DNAH11: variants seen among roughly 807,000 people sequenced by gnomAD.
DNAH11 encodes the protein axonemal beta dynein heavy chain 11.
In DNAH11, 442 loss-of-function variants were observed where a neutral mutation model predicts 526.0. The observed-to-expected ratio is 0.84, with a 90% CI of 0.78 to 0.91. The LOEUF (loss-of-function observed/expected upper bound fraction) is 0.91, where lower values mean the gene tolerates loss of function less well. Among genes scored for constraint, DNAH11 ranks in the 40% least tolerant of loss-of-function variants. The pLI, the probability that DNAH11 is intolerant of heterozygous loss-of-function variation, is 0.00. For missense variants in DNAH11, 6,989 were observed against 5,448.7 expected, an observed-to-expected ratio of 1.28 and a Z score of -8.90; for synonymous variants, 2,461 against 1,935.9, an observed-to-expected ratio of 1.27 and a Z score of -7.12.
chr7:21,856,470 A>G (rs939163068), intron 68 of DNAH11, among the ~76,000 whole-genome samples: 5 of 152,194 alleles, frequency 3.3e-5, no homozygotes, highest in African/African-American at 1.2e-4. Context: ...AGTAAAACTA[A>G]ATCATCAGTG....
At position 21,558,943 on chromosome 7, in the gene DNAH11, C is replaced by T. The variant is rs753456838; in HGVS notation, c.637C>T (p.Pro213Ser). 5 of 1,595,498 alleles carry T rather than the reference C, an allele frequency of 3.1e-6. No homozygotes were observed. The African/African-American group carries it at 5.4e-5, about 17-fold the overall frequency. Residue 213 changes from proline to serine, a missense_variant, in exon 3 of 82, where the codon CCA becomes TCA. Pro to Ser is a moderately conservative substitution (Grantham distance 74, BLOSUM62 -1). Transcript: ENST00000409508. ...RGKMSRRTLL[P>S]IPTVAGKMDL... The stretch of plus-strand genomic sequence containing the variant: ...CAAAATGTCTAGAAGAACTCTTCTA[C>T]CAATTCCCACTGTTGCAGGAAAGAT...
At chr7:21,861,818 T>A (rs72658805) in intron 68 of DNAH11, 35 bp from the exon 69 acceptor site, 2 of 1,607,916 alleles carry the variant, frequency 1.2e-6, no homozygotes, top group South Asian at 2.2e-5. Flanking sequence ...CAGGCACCAG[T>A]TGTCACATTT....
intron 74 of DNAH11, among the ~76,000 whole-genome samples, chr7:21,877,780 C>T (rs1029455427): frequency 6.9e-6 from 1 of 145,420 alleles, no homozygotes; most frequent in South Asian, 2.2e-4. Context: ...GAGGCTGAGG[C>T]AGGAGAATGG....
intron 30 of DNAH11, among the ~76,000 whole-genome samples, chr7:21,660,487 G>A (rs11977083): frequency 0.032 from 4,626 of 145,916 alleles, 175 homozygotes; most frequent in East Asian, 0.15. Flanking sequence ...ATGTTTTATG[G>A]CTATTTATTA....
At position 21,818,335 on chromosome 7, in the gene DNAH11, G is replaced by A; in HGVS notation, c.10687G>A (p.Gly3563Arg). 6.2e-7 allele frequency: 1 copy of A among 1,604,798 alleles called. No individual in the cohort carries two copies. The highest frequency in any genetic ancestry group is 8.5e-7 in the Non-Finnish European group (1 of 1,176,970). Residue 3563 changes from glycine to arginine, a missense_variant, in exon 65 of 82, where the codon GGA becomes AGA. Coordinates refer to ENST00000409508, the MANE Select transcript of DNAH11 (RefSeq NM_001277115.2). The stretch of plus-strand genomic sequence containing the variant: ...ACTTGGCAGGAACACAATTAAAAAA[G>A]GAAAGTAAGTATTCTTGAATTTTTA... ...PLLGRNTIKK[G>R]KYIRIGDKEC...
intron 8 of DNAH11, among the ~76,000 whole-genome samples, chr7:21,575,754 G>C (rs552696213): frequency 1.3e-5 from 2 of 151,992 alleles, no homozygotes; most frequent in Non-Finnish European, 2.9e-5. Context: ...GAGATATTTG[G>C]TGCATGCACT....
chr7:21,801,020 G>A (rs565145600), intron 61 of DNAH11, 117 bp from the exon 62 acceptor site: 1 of 1,101,032 alleles, frequency 9.1e-7, no homozygotes, highest in African/African-American at 1.6e-5. Context: ...AAGGGGCAAA[G>A]GTTAATGGGG....
intron 63 of DNAH11, among the ~76,000 whole-genome samples, chr7:21,814,227 A>G (rs566836989): frequency 3.3e-5 from 5 of 152,244 alleles, no homozygotes; most frequent in Non-Finnish European, 7.3e-5. Flanking sequence ...ATGCAGAACT[A>G]GAAATTGCTC....
chr7:21,623,573 C>T (rs1451179427), intron 25 of DNAH11, among the ~76,000 whole-genome samples: 6 of 151,994 alleles, frequency 3.9e-5, no homozygotes, highest in Admixed American at 3.3e-4. Flanking sequence ...CCCAAATGTC[C>T]AACAATGATA....
chr7:21,835,253 C>T (rs1781949313), intron 65 of DNAH11, among the ~76,000 whole-genome samples: 1 of 148,066 alleles, frequency 6.8e-6, no homozygotes, highest in Non-Finnish European at 1.5e-5. Flanking sequence ...AGAGGGAGTT[C>T]TTCCAAACTC....
intron 28 of DNAH11, among the ~76,000 whole-genome samples, chr7:21,646,168 A>G (rs1787349638): frequency 1.3e-5 from 2 of 152,216 alleles, no homozygotes; most frequent in South Asian, 4.1e-4. Context: ...AGTAAACATA[A>G]GAAAGGTTGC....
chr7:21,707,926 CTTACTG>C (rs1784332474), intron 40 of DNAH11, 91 bp downstream of exon 40: 2 of 1,360,134 alleles, frequency 1.5e-6, no homozygotes, highest in Admixed American at 5.2e-5. Context: ...TAGTCGCAGA[CTTACTG>C]TTTATGTGTT....
rs1783076338 is a variant in DNAH11 at position 21,861,888 on chromosome 7, G to T, written c.11238G>T (p.Gln3746His). The change falls in exon 69 of 82, where the codon CAG becomes CAT. Residue 3746 changes from glutamine to histidine, a missense_variant. Transcript: ENST00000409508. ...TGCTGTTCCACAGAGCGATCGAGCA[G>T]GCTGACAAGGTGGAAGACATGCAGG... ...FNVLFHRAIE[Q>H]ADKVEDMQGR... The T allele has an allele frequency of 6.2e-7, 1 of 1,613,414 alleles. No homozygotes were observed. The highest frequency in any genetic ancestry group is 8.5e-7 in the Non-Finnish European group (1 of 1,179,714).
At chr7:21,886,689 G>A (rs1184394946) in intron 76 of DNAH11, among the ~76,000 whole-genome samples, 1 of 102,356 alleles carries the variant, frequency 9.8e-6, no homozygotes, top group Non-Finnish European at 2.3e-5. Flanking sequence ...CTGTGGCTGA[G>A]GGGAGAATTA....
chr7:21,567,191 T>C (rs1185841034), intron 6 of DNAH11, among the ~76,000 whole-genome samples: 1 of 152,222 alleles, frequency 6.6e-6, no homozygotes, highest in Non-Finnish European at 1.5e-5. Flanking sequence ...TTGCCATCTT[T>C]AAAAAAATTT....
At chr7:21,586,490 A>G (rs1436010241) in intron 9 of DNAH11, among the ~76,000 whole-genome samples, 2 of 152,152 alleles carry the variant, frequency 1.3e-5, no homozygotes, top group African/African-American at 2.4e-5. Context: ...AAAAGTCAGA[A>G]TGTGTTTGTC....
chr7:21,810,621 A>AC (rs1789474824), intron 63 of DNAH11, among the ~76,000 whole-genome samples: 1 of 152,090 alleles, frequency 6.6e-6, no homozygotes, highest in Non-Finnish European at 1.5e-5. Flanking sequence ...GCTTTAAGAA[A>AC]CCCAAGACGT....
Position 21,869,096 on chromosome 7 carries a change from C to T in DNAH11, c.11967+105C>T, listed in dbSNP as rs1311916641. On this transcript the variant is annotated intron_variant, in intron 73 of 81. Coordinates refer to ENST00000409508, the MANE Select transcript of DNAH11 (RefSeq NM_001277115.2). ...GCTCCCTTAACACCGCTGTGCATGG[C>T]GATTTGCAGAGTGCAAGCAGTACTG... 41 of 1,501,574 alleles carry T rather than the reference C, an allele frequency of 2.7e-5. No homozygotes were observed. In the East Asian group the frequency reaches 2.9e-4, roughly 10 times the overall value. The allele number at this position is 1,501,574 out of a possible 1,614,324, so 93.0% of individuals were successfully genotyped here.
chr7:21,791,169 C>T (rs967069741), intron 61 of DNAH11, among the ~76,000 whole-genome samples: 2 of 152,130 alleles, frequency 1.3e-5, no homozygotes, highest in Non-Finnish European at 2.9e-5. Flanking sequence ...AGTGATGAGG[C>T]GGCACAACCC....
Sources: gnomAD v4.1 joint callset for allele counts (sites outside exome capture counted in the v4.1 genomes callset) on GRCh38, gnomAD v4.1.1 for gene constraint, MANE v1.5 for transcripts, NCBI Gene and HGNC (gene_info 2026-07-23, HGNC 2026-07-21) for gene names.